Variants in DYM observed in about 807,000 individuals in gnomAD.
The protein encoded by DYM is dymeclin.
Under a neutral mutation model 93.1 loss-of-function variants are expected in DYM, and 78 were observed. The ratio of observed to expected loss-of-function variants is 0.84; its 90% CI spans 0.70 to 1.01. The LOEUF (loss-of-function observed/expected upper bound fraction) is 1.01. Ranked by LOEUF, DYM falls within the 50% of genes least tolerant of loss-of-function variation. The probability of loss-of-function intolerance (pLI) is 0.00; values close to 1 mark genes in which losing one functional copy is unlikely to be tolerated. For synonymous variants in DYM, 321 were observed against 319.7 expected, an observed-to-expected ratio of 1.00 and a Z score of -0.04; for missense variants, 789 against 845.0, an observed-to-expected ratio of 0.93 and a Z score of 0.82.
rs117533072 is a variant in DYM, at chr18:49,257,573, C to T, written c.1366-469G>A. On this transcript the variant is annotated intron_variant, in intron 12 of 17. Transcript: ENST00000675505. ...AAAATGGGCTGGGAGTAGGGGCTCACGCCTGTAATCCCAACACTTTGGGAG... is the reference window on the plus strand; with the variant it reads ...AAAATGGGCTGGGAGTAGGGGCTCATGCCTGTAATCCCAACACTTTGGGAG... Among the ~76,000 whole-genome samples, 929 of 152,166 alleles carry T rather than the reference C, an allele frequency of 6.1e-3. 5 individuals are homozygous for T. The highest frequency in any genetic ancestry group is 0.011 in the Non-Finnish European group (725 of 67,996).
chr18:49,265,886 A>T (rs367745469), intron 11 of DYM, among the ~76,000 whole-genome samples: 4 of 152,290 alleles, frequency 2.6e-5, no homozygotes, highest in African/African-American at 9.6e-5. Flanking sequence ...ACAGAAACTA[A>T]ACTATGGTAA....
intron 13 of DYM, among the ~76,000 whole-genome samples, chr18:49,220,510 C>G (rs1204614726): frequency 6.6e-6 from 1 of 150,830 alleles, no homozygotes; most frequent in Non-Finnish European, 1.5e-5. Context: ...AACTATACTA[C>G]AAGGCTACAG....
intron 5 of DYM, among the ~76,000 whole-genome samples, chr18:49,378,213 A>C (rs1199429868): frequency 6.6e-6 from 1 of 152,234 alleles, no homozygotes; most frequent in African/African-American, 2.4e-5. Flanking sequence ...TAATATATTG[A>C]CTTGGCAATG....
chr18:49,458,626 C>T (rs113602568), intron 1 of DYM, among the ~76,000 whole-genome samples: 3,614 of 152,168 alleles, frequency 0.024, 139 homozygotes, highest in African/African-American at 0.081. Context: ...TGCCTGAACT[C>T]AGGAGTTCGT....
chr18:49,366,892 T>A (rs1354542153), intron 5 of DYM, among the ~76,000 whole-genome samples: 1 of 152,118 alleles, frequency 6.6e-6, no homozygotes, highest in Admixed American at 6.6e-5. Flanking sequence ...AAGGCTCAGA[T>A]AGGTTAGTTT....
intron 13 of DYM, among the ~76,000 whole-genome samples, chr18:49,235,945 T>C (rs1476040310): frequency 6.6e-6 from 1 of 152,200 alleles, no homozygotes; most frequent in African/African-American, 2.4e-5. Context: ...TTTAAACTAA[T>C]TCAATTCTCA....
At chr18:49,252,039 C>T (rs1356680680) in intron 13 of DYM, among the ~76,000 whole-genome samples, 2 of 151,264 alleles carry the variant, frequency 1.3e-5, no homozygotes, top group African/African-American at 4.9e-5. Context: ...CATGTTGAAA[C>T]CCCATCTCTA....
intron 2 of DYM, among the ~76,000 whole-genome samples, chr18:49,419,697 T>C (rs936287728): frequency 6.6e-5 from 10 of 152,362 alleles, no homozygotes; most frequent in African/African-American, 2.2e-4. Context: ...TTAATTCAAA[T>C]TGTCTTCAAT....
At chr18:49,342,189 T>C (rs1444435677) in intron 6 of DYM, among the ~76,000 whole-genome samples, 1 of 152,214 alleles carries the variant, frequency 6.6e-6, no homozygotes, top group Non-Finnish European at 1.5e-5. Flanking sequence ...AGGGCAATTC[T>C]TGGCTTCTAG....
chr18:49,192,821 GA>G (rs1380014213), intron 14 of DYM, among the ~76,000 whole-genome samples: 2 of 152,024 alleles, frequency 1.3e-5, no homozygotes, highest in African/African-American at 4.8e-5. Context: ...AATGGCATTG[GA>G]ATTTTTATGG....
intron 16 of DYM, among the ~76,000 whole-genome samples, chr18:49,112,531 G>A (rs1325916399): frequency 1.3e-5 from 2 of 152,078 alleles, no homozygotes; most frequent in African/African-American, 2.4e-5. Flanking sequence ...TGGTTGTCCT[G>A]TGACCTCAGC....
intron 16 of DYM, among the ~76,000 whole-genome samples, chr18:49,113,708 G>C (rs576838980): frequency 6.6e-6 from 1 of 152,288 alleles, no homozygotes; most frequent in South Asian, 2.1e-4. Flanking sequence ...CAAAATTTCA[G>C]GGATCTTTGG....
intron 1 of DYM, among the ~76,000 whole-genome samples, chr18:49,435,442 A>G (rs2080765179): frequency 1.4e-5 from 2 of 141,402 alleles, no homozygotes; most frequent in Admixed American, 1.4e-4. Context: ...AAAAAAAAAA[A>G]GTATAATTGA....
rs1024896869 is a variant in DYM at position 49,271,942 on chromosome 18, A to G, written c.1251+236T>C. On this transcript the variant is annotated intron_variant, in intron 11 of 17. Transcript: ENST00000675505. ...AAATGAACCCAGTAGCAGCAAAAGC[A>G]TTTGTATCAATTACCAAAGAACCAT... Among the ~76,000 whole-genome samples, 8 of 149,114 alleles carry G rather than the reference A, an allele frequency of 5.4e-5. No individual in the cohort carries two copies. In the Admixed American group the frequency reaches 5.4e-4, roughly 10 times the overall value.
chr18:49,169,894 A>T (rs1217839232), intron 14 of DYM, among the ~76,000 whole-genome samples: 1 of 152,180 alleles, frequency 6.6e-6, no homozygotes, highest in East Asian at 1.9e-4. Context: ...TATCCAAATA[A>T]AGAGATGAGG....
intron 8 of DYM, among the ~76,000 whole-genome samples, chr18:49,300,740 A>T (rs1052338621): frequency 9.9e-5 from 15 of 152,186 alleles, no homozygotes; most frequent in African/African-American, 3.1e-4. Flanking sequence ...CATTGTATAG[A>T]TATATTCCTA....
At chr18:49,440,956 AT>A (rs1193251606) in intron 1 of DYM, among the ~76,000 whole-genome samples, 1 of 212 alleles carries the variant, frequency 4.7e-3, no homozygotes, top group African/African-American at 9.3e-3. Flanking sequence ...TATTATATAA[AT>A]ATATTATATT....
At chr18:49,055,753 G>T (rs1044705924) in intron 17 of DYM, among the ~76,000 whole-genome samples, 2 of 152,190 alleles carry the variant, frequency 1.3e-5, no homozygotes, top group African/African-American at 4.8e-5. Flanking sequence ...GCATGCTGTG[G>T]GTGAGTAACC....
intron 2 of DYM, among the ~76,000 whole-genome samples, chr18:49,418,400 ATTC>A (rs1205511423): frequency 1.3e-5 from 2 of 152,336 alleles, no homozygotes; most frequent in East Asian, 1.9e-4. Flanking sequence ...GTCTTTAATT[ATTC>A]TTCATTTTGT....
Sources: allele counts gnomAD v4.1 joint callset (sites outside exome capture counted in the v4.1 genomes callset), GRCh38; gene constraint gnomAD v4.1.1; transcripts MANE v1.5; gene names NCBI Gene and HGNC (gene_info 2026-07-23, HGNC 2026-07-21).